LRP6: variants seen among roughly 807,000 people sequenced by gnomAD.
LRP6 encodes low-density lipoprotein receptor-related protein 6.
A neutral mutation model predicts 184.1 loss-of-function variants in LRP6; 43 were observed. The ratio of observed to expected loss-of-function variants is 0.23; its 90% CI spans 0.18 to 0.30. The LOEUF (loss-of-function observed/expected upper bound fraction) is 0.30. Ranked by LOEUF, LRP6 falls within the 10% of genes least tolerant of loss-of-function variation. The pLI is 1.00. For missense variants in LRP6, 1,571 were observed against 2,005.3 expected, an observed-to-expected ratio of 0.78 and a Z score of 4.14; for synonymous variants, 719 against 684.9, an observed-to-expected ratio of 1.05 and a Z score of -0.78.
At chr12:12,127,822 C>T (rs1340570971) in intron 19 of LRP6, among the ~76,000 whole-genome samples, 1 of 152,160 alleles carries the variant, frequency 6.6e-6, no homozygotes, top group African/African-American at 2.4e-5. Flanking sequence ...CTCAAATCTC[C>T]CATCCATATA....
Position 12,179,859 on chromosome 12 carries a change from T to A in LRP6, c.1496A>T (p.Tyr499Phe), listed in dbSNP as rs747413574. The change falls in exon 7 of 23, where the codon TAT (tyrosine) becomes TTT (phenylalanine). Residue 499 changes from tyrosine to phenylalanine, a missense_variant. This residue lies in a region of LRP6 where 640 missense variants were observed against 851.9 expected (regional missense o/e 0.75). Transcript: ENST00000261349. Reference protein sequence around the residue: ...LGWPNGLALDYDEGKIYWGDA... With the variant: ...LGWPNGLALDFDEGKIYWGDA... ...TCCCCAGTATATTTTGCCTTCATCATAATCCAAGGCTAAACCATTTGGCCA... is the reference window on the plus strand; with the variant it reads ...TCCCCAGTATATTTTGCCTTCATCAAAATCCAAGGCTAAACCATTTGGCCA... 6 of 1,613,948 alleles carry A rather than the reference T, an allele frequency of 3.7e-6. No homozygotes were observed. Among genetic ancestry groups the A allele is most frequent in the Non-Finnish European group, 5.1e-6 (6 of 1,179,856 alleles).
At chr12:12,240,374 C>T (rs1865032867) in intron 2 of LRP6, among the ~76,000 whole-genome samples, 1 of 152,048 alleles carries the variant, frequency 6.6e-6, no homozygotes, top group Non-Finnish European at 1.5e-5. Flanking sequence ...GAGATCGAGA[C>T]CATCCTGGCT....
chr12:12,183,892 A>G (rs925519699), intron 5 of LRP6, 88 bp downstream of exon 5: 6 of 1,237,962 alleles, frequency 4.8e-6, no homozygotes, highest in Non-Finnish European at 5.9e-6. Context: ...CCAAAGCAGT[A>G]TAACCTAGAG....
At chr12:12,171,269 C>A (rs2136965496) in intron 7 of LRP6, among the ~76,000 whole-genome samples, 1 of 152,302 alleles carries the variant, frequency 6.6e-6, no homozygotes, top group South Asian at 2.1e-4. Flanking sequence ...GTAATCCCAG[C>A]ACTTTGGGAG....
chr12:12,199,834 C>T (rs1269640053), intron 3 of LRP6, among the ~76,000 whole-genome samples: 2 of 151,388 alleles, frequency 1.3e-5, no homozygotes, highest in Non-Finnish European at 2.9e-5. Context: ...CGTGGTGGTG[C>T]GCACCTGTAA....
intron 1 of LRP6, among the ~76,000 whole-genome samples, chr12:12,257,779 CAAAAAAAAAA>C (rs1163180718): frequency 8.5e-4 from 30 of 35,322 alleles, no homozygotes; most frequent in African/African-American, 1.3e-3. Flanking sequence ...CCTGTCTCTA[CAAAAAAAAAA>C]AAAAAAAAAA....
At chr12:12,263,120 C>T (rs960658036) in intron 1 of LRP6, among the ~76,000 whole-genome samples, 5 of 144,840 alleles carry the variant, frequency 3.5e-5, no homozygotes, top group African/African-American at 1.0e-4. Context: ...AAAAAATTAG[C>T]TGGGCATGGT....
intron 12 of LRP6, among the ~76,000 whole-genome samples, 198 bp downstream of exon 12, chr12:12,158,631 A>C (rs1460165607): frequency 6.6e-6 from 1 of 152,174 alleles, no homozygotes; most frequent in Non-Finnish European, 1.5e-5. Context: ...CATAAGACTT[A>C]ATTTTTCTAT....
chr12:12,228,035 TC>T (rs1174290994), intron 2 of LRP6, among the ~76,000 whole-genome samples: 4 of 152,114 alleles, frequency 2.6e-5, no homozygotes, highest in African/African-American at 9.7e-5. Flanking sequence ...TTGGCACATT[TC>T]CCCGAGAGTA....
intron 2 of LRP6, among the ~76,000 whole-genome samples, chr12:12,224,529 T>A (rs1025582006): frequency 6.6e-6 from 1 of 152,188 alleles, no homozygotes; most frequent in African/African-American, 2.4e-5. Context: ...ATGTTAAATT[T>A]ATTTATATAG....
intron 2 of LRP6, among the ~76,000 whole-genome samples, chr12:12,231,848 C>T (rs1275030430): frequency 1.3e-5 from 2 of 151,860 alleles, no homozygotes; most frequent in Non-Finnish European, 2.9e-5. Context: ...AACCCCATCT[C>T]TACAAAAGAT....
chr12:12,168,872 A>G (rs776894229), intron 7 of LRP6, among the ~76,000 whole-genome samples: 1 of 152,098 alleles, frequency 6.6e-6, no homozygotes, highest in Non-Finnish European at 1.5e-5. Context: ...CAATGCACAT[A>G]GCATATCACC....
intron 15 of LRP6, among the ~76,000 whole-genome samples, chr12:12,146,255 A>G (rs1950004935): frequency 6.6e-6 from 1 of 152,222 alleles, no homozygotes; most frequent in African/African-American, 2.4e-5. Flanking sequence ...GCATATTTTA[A>G]ATTTTGATTA....
At chr12:12,204,738 C>G (rs2137046337) in intron 2 of LRP6, among the ~76,000 whole-genome samples, 1 of 150,794 alleles carries the variant, frequency 6.6e-6, no homozygotes, top group African/African-American at 2.4e-5. Flanking sequence ...GGCGGATCAC[C>G]TGAGGTCAGG....
At chr12:12,185,548 TCAGA>T (rs1348559667) in intron 4 of LRP6, among the ~76,000 whole-genome samples, 3 of 152,168 alleles carry the variant, frequency 2.0e-5, no homozygotes, top group Non-Finnish European at 4.4e-5. Context: ...TGAAATACAC[TCAGA>T]CAGATGCCAG....
chr12:12,218,088 C>A (rs1864394859), intron 2 of LRP6, among the ~76,000 whole-genome samples: 1 of 152,132 alleles, frequency 6.6e-6, no homozygotes, highest in Non-Finnish European at 1.5e-5. Context: ...AGTGAAAAGG[C>A]AACCCACAGA....
chr12:12,238,421 G>T (rs1864978121), intron 2 of LRP6, among the ~76,000 whole-genome samples: 1 of 151,974 alleles, frequency 6.6e-6, no homozygotes, highest in Admixed American at 6.6e-5. Context: ...AAAATGCTTA[G>T]ATTCTAGAAA....
At chr12:12,165,373 T>G in intron 7 of LRP6, 78 bp from the exon 8 acceptor site, 1 of 996,014 alleles carries the variant, frequency 1.0e-6, no homozygotes, top group African/African-American at 1.6e-5. Flanking sequence ...TCCAACTGCC[T>G]GTTGTATAAA....
chr12:12,142,702 G>A (rs920813001), intron 15 of LRP6, among the ~76,000 whole-genome samples: 4 of 151,710 alleles, frequency 2.6e-5, no homozygotes, highest in Admixed American at 1.3e-4. Flanking sequence ...CATGAGCGTA[G>A]ATTAAAAAAA....
Sources: allele counts gnomAD v4.1 joint callset (sites outside exome capture counted in the v4.1 genomes callset), GRCh38; gene constraint gnomAD v4.1.1; regional missense constraint gnomAD v4.1.1; transcripts MANE v1.5; gene names NCBI Gene and HGNC (gene_info 2026-07-23, HGNC 2026-07-21).